The following EGFL6 variants were observed in gnomAD, a reference collection of about 807,000 sequenced individuals.
The protein encoded by EGFL6 is epidermal growth factor-like protein 6.
Under a neutral mutation model 43.1 loss-of-function variants are expected in EGFL6, and 42 were observed. The observed-to-expected ratio is 0.98, with a 90% CI of 0.76 to 1.26. The LOEUF (loss-of-function observed/expected upper bound fraction) is 1.26. Among genes scored for constraint, EGFL6 ranks in the 50% most tolerant of loss-of-function variants. The probability of loss-of-function intolerance (pLI) is 0.00; values close to 1 mark genes in which losing one functional copy is unlikely to be tolerated. For missense variants in EGFL6, 429 were observed against 427.8 expected (o/e 1.00, Z -0.02); for synonymous variants, 164 against 163.2 (o/e 1.01, Z -0.04).
intron 11 of EGFL6, among the ~76,000 whole-genome samples, chrX:13,630,871 T>C (rs1178584301): frequency 8.9e-6 from 1 of 112,595 alleles, no homozygotes; most frequent in Non-Finnish European, 1.9e-5. Context: ...AATTGCATGA[T>C]GGCATTGTTG....
Position 13,627,201 on chromosome X carries a change from G to A in EGFL6, c.1476G>A (p.Glu492=). Residue 492 remains glutamate (E), a synonymous_variant, in exon 11 of 12, where the codon GAG becomes GAA. Transcript: ENST00000361306. The part of the protein sequence containing the change: ...VKNSNNALAW[E]KTTSEDEKWK... ...ACAGTAACAATGCCCTGGCATGGGA[G>A]AAGACCACGAGTGAGGATGAAAAGT... 8.3e-7 allele frequency: 1 copy of A among 1,210,899 alleles called. No homozygotes were observed. Among genetic ancestry groups the A allele is most frequent in the East Asian group, 3.0e-5 (1 of 33,808 alleles).
At position 13,588,848 on chromosome X, in the gene EGFL6, C is replaced by T. The variant is rs971304393; in HGVS notation, c.75-708C>T. Among the ~76,000 whole-genome samples, 13 of 112,515 alleles carry T rather than the reference C, an allele frequency of 1.2e-4. No homozygotes were observed. In the South Asian group the frequency reaches 4.8e-3, roughly 42 times the overall value. ...ATCTGTTTACTATTGCCTATGGCTGCTTTTGTACTTGGACAGATATCTTAT... is the reference window on the plus strand; with the variant it reads ...ATCTGTTTACTATTGCCTATGGCTGTTTTTGTACTTGGACAGATATCTTAT... On this transcript the variant is annotated intron_variant, in intron 1 of 11. Coordinates refer to ENST00000361306, the MANE Select transcript of EGFL6 (RefSeq NM_015507.4).
In EGFL6 at chrX:13,619,171, G is replaced by A; in HGVS notation, c.1111G>A (p.Val371Met). 1 of 1,210,895 alleles carries A rather than the reference G, an allele frequency of 8.3e-7. No homozygotes were observed. Residue 371 changes from valine to methionine, a missense_variant, in exon 9 of 12, where the codon GTG becomes ATG. Physicochemically the swap from Val to Met is conservative, Grantham distance 21 (BLOSUM62 1). Transcript: ENST00000361306. ...SLRGDVFFPKVNEAGEFGLIL... is the reference protein window; with the variant it reads ...SLRGDVFFPKMNEAGEFGLIL... ...CAAGTGTTCTTTATTAGTCCCTAAG[G>A]TGAATGAAGCAGGTGAATTCGGCCT...
chrX:13,569,620 A>C lies in EGFL6; in HGVS notation c.-242A>C. 5.6e-6 allele frequency: 2 copies of C among 360,333 alleles called. No individual in the cohort carries two copies. Among genetic ancestry groups the C allele is most frequent in the East Asian group, 4.7e-5 (1 of 21,443 alleles). 29.7% of individuals were successfully genotyped at this position (360,333 alleles called of 1,213,427 possible). A position where few individuals can be genotyped will look rare whatever the true frequency, so the allele number is the denominator to read the frequency against. The stretch of plus-strand genomic sequence containing the variant: ...TCCCTCGCTCACCCCGTCCAGCTTC[A>C]TCCGCAGAGGAGCCTCGGCCAGGCT... On this transcript the variant is annotated 5_prime_UTR_variant, in exon 1 of 12. Transcript: ENST00000361306.
Position 13,603,457 on chromosome X carries a change from T to A in EGFL6, c.520+21T>A, listed in dbSNP as rs201818738. 70 of 1,178,596 alleles carry A rather than the reference T, an allele frequency of 5.9e-5. No homozygotes were observed. In the Middle Eastern group the frequency reaches 1.2e-3, roughly 20 times the overall value. ...TCTAGGTACAACAGCAGGAATCACC[T>A]CTACTCCTCCTTCTCCTCCCTTGAC... On this transcript the variant is annotated intron_variant, in intron 5 of 11. Transcript: ENST00000361306.
At chrX:13,611,046 A>G (rs1415908932) in intron 7 of EGFL6, among the ~76,000 whole-genome samples, 1 of 110,631 alleles carries the variant, frequency 9.0e-6, no homozygotes, top group Non-Finnish European at 1.9e-5. Flanking sequence ...ACCCACAGAG[A>G]TTACCTGTCC....
chrX:13,610,451 C>T (rs1036219963), intron 7 of EGFL6, among the ~76,000 whole-genome samples: 1 of 111,442 alleles, frequency 9.0e-6, no homozygotes, highest in South Asian at 3.8e-4. Flanking sequence ...TAAATGACCA[C>T]TTAGTGTCCA....
chrX:13,615,105 A>C (rs769420684), intron 7 of EGFL6, among the ~76,000 whole-genome samples: 2 of 112,492 alleles, frequency 1.8e-5, no homozygotes, highest in Non-Finnish European at 3.8e-5. Context: ...ATAAATCTTT[A>C]AGAGAAAACC....
chrX:13,621,691 A>G, intron 9 of EGFL6, among the ~76,000 whole-genome samples: 2 of 112,677 alleles, frequency 1.8e-5, no homozygotes, highest in Non-Finnish European at 3.8e-5. Flanking sequence ...AGAATGCTCC[A>G]GCCAGAGAAC....
chrX:13,627,000 T>G lies in EGFL6; in HGVS notation c.1286-11T>G, dbSNP rs777889809. ...CCTCATTAATTGTGCATTTTTTCCC[T>G]TCTCTTAAAGCTATTGGCTTCTATA... is the stretch of plus-strand genomic sequence containing the variant. On this transcript the variant is annotated splice_polypyrimidine_tract_variant and intron_variant, in intron 10 of 11. Transcript: ENST00000361306. 2 of 1,200,842 alleles carry G rather than the reference T, an allele frequency of 1.7e-6. No individual in the cohort carries two copies. Among genetic ancestry groups the G allele is most frequent in the African/African-American group, 3.5e-5 (2 of 57,063 alleles).
chrX:13,617,061 C>T (rs779883713), intron 7 of EGFL6, among the ~76,000 whole-genome samples: 1 of 106,563 alleles, frequency 9.4e-6, no homozygotes, highest in East Asian at 2.9e-4. Context: ...AGTAGAGAGA[C>T]TAGAGGTACA....
chrX:13,575,440 C>T (rs186185396), intron 1 of EGFL6, among the ~76,000 whole-genome samples: 45 of 111,774 alleles, frequency 4.0e-4, no homozygotes, highest in Non-Finnish European at 7.9e-4. Context: ...CACAGACACA[C>T]ACACAGGAAA....
In EGFL6 at chrX:13,603,367, G is replaced by C; in HGVS notation, c.451G>C (p.Glu151Gln). Reference protein sequence around the residue: ...INCQYSCEDTEEGPQCLCPSS... With the variant: ...INCQYSCEDTQEGPQCLCPSS... ...CTGTCAGTACAGCTGTGAAGACACA[G>C]AAGAAGGGCCACAGTGCCTGTGTCC... The change falls in exon 5 of 12, where the codon GAA becomes CAA. Residue 151 changes from glutamate to glutamine, a missense_variant. Coordinates refer to ENST00000361306, the MANE Select transcript of EGFL6 (RefSeq NM_015507.4). The C allele has an allele frequency of 8.3e-7, 1 of 1,210,700 alleles. No homozygotes were observed. Among genetic ancestry groups the C allele is most frequent in the Non-Finnish European group, 1.1e-6 (1 of 894,781 alleles).
At chrX:13,629,696 G>A (rs2146712568) in intron 11 of EGFL6, among the ~76,000 whole-genome samples, 1 of 112,235 alleles carries the variant, frequency 8.9e-6, no homozygotes, top group South Asian at 3.7e-4. Flanking sequence ...GGCATACAAT[G>A]TAAGTCACAT....
intron 2 of EGFL6, among the ~76,000 whole-genome samples, chrX:13,592,294 G>C (rs1181367234): frequency 1.8e-5 from 2 of 110,711 alleles, no homozygotes; most frequent in African/African-American, 6.6e-5. Context: ...TAACAAAGTA[G>C]ACACTGGAAA....
At chrX:13,618,485 C>G (rs1052419490) in intron 8 of EGFL6, among the ~76,000 whole-genome samples, 3 of 112,547 alleles carry the variant, frequency 2.7e-5, no homozygotes, top group Non-Finnish European at 5.6e-5. Flanking sequence ...GAAAATGGAA[C>G]CTCACAGTTG....
In EGFL6 at chrX:13,591,208, C is replaced by G. The variant is rs1474852670; in HGVS notation, c.187+1540C>G. On this transcript the variant is annotated intron_variant, in intron 2 of 11. Coordinates refer to ENST00000361306, the MANE Select transcript of EGFL6 (RefSeq NM_015507.4). ...GGCTTTATTCTTTTGCTAGACACAA[C>G]ATAACACATTTTTATTTGAAGTCAG... Among the ~76,000 whole-genome samples, 10 of 111,899 alleles carry G rather than the reference C, an allele frequency of 8.9e-5. No individual in the cohort carries two copies. The Admixed American group carries it at 9.5e-4, about 11-fold the overall frequency.
chrX:13,596,021 G>C (rs1430948317), intron 3 of EGFL6, among the ~76,000 whole-genome samples: 2 of 111,382 alleles, frequency 1.8e-5, no homozygotes, highest in Admixed American at 9.6e-5. Flanking sequence ...ACCTGGCCTT[G>C]ATATATCATA....
chrX:13,595,722 C>CTT (rs751094085), intron 3 of EGFL6, among the ~76,000 whole-genome samples: 7 of 100,351 alleles, frequency 7.0e-5, no homozygotes, highest in South Asian at 4.3e-4. Context: ...ACTTCATATA[C>CTT]TTTTTTTTTT....
Sources: allele counts gnomAD v4.1 joint callset (sites outside exome capture counted in the v4.1 genomes callset), GRCh38; gene constraint gnomAD v4.1.1; transcripts MANE v1.5; gene names NCBI Gene and HGNC (gene_info 2026-07-23, HGNC 2026-07-21).